Variants in PSD3 observed in about 807,000 individuals in gnomAD.
The protein encoded by PSD3 is pleckstrin and Sec7 domain containing 3.
A neutral mutation model predicts 105.5 loss-of-function variants in PSD3; 49 were observed. That is an observed-to-expected ratio of 0.46 (90% CI 0.37 to 0.59). The LOEUF is 0.59. PSD3 is among the 20% of genes least tolerant of loss of function. PSD3 has a pLI of 0.00. For synonymous variants in PSD3, 557 were observed against 457.8 expected, an observed-to-expected ratio of 1.22 and a Z score of -2.77; for missense variants, 1,561 against 1,263.8, an observed-to-expected ratio of 1.24 and a Z score of -3.57.
At chr8:18,686,472 C>G (rs187008016) in intron 9 of PSD3, among the ~76,000 whole-genome samples, 79 of 152,314 alleles carry the variant, frequency 5.2e-4, no homozygotes, top group African/African-American at 1.9e-3. Flanking sequence ...TTTTCTTCTG[C>G]TCCTGCCTTT....
At chr8:18,788,090 A>G (rs1472578875) in intron 8 of PSD3, among the ~76,000 whole-genome samples, 1 of 152,214 alleles carries the variant, frequency 6.6e-6, no homozygotes, top group South Asian at 2.1e-4. Context: ...GATTTTGCCT[A>G]TGAGTCATAA....
intron 15 of PSD3, among the ~76,000 whole-genome samples, chr8:18,541,254 C>T (rs979938273): frequency 5.3e-5 from 8 of 150,506 alleles, no homozygotes; most frequent in African/African-American, 2.0e-4. Context: ...ACTAATATAT[C>T]CCCAGGGCCA....
chr8:19,019,826 G>A (rs903515103), intron 1 of PSD3, among the ~76,000 whole-genome samples: 1 of 152,120 alleles, frequency 6.6e-6, no homozygotes, highest in Non-Finnish European at 1.5e-5. Flanking sequence ...CTGGGTGGGT[G>A]AGAGGGATGG....
In PSD3 at chr8:18,530,560, T is replaced by C. The variant is rs1799593526; in HGVS notation, c.*5183A>G. ...ATTCTTCCGAAAGCTATATTTTTTA[T>C]GGACTAATTACAACAACAATAAAGA... On this transcript the variant is annotated 3_prime_UTR_variant, in exon 16 of 16. Transcript: ENST00000327040. 1 of 152,658 alleles carries C rather than the reference T, an allele frequency of 6.6e-6. No individual in the cohort carries two copies. Among genetic ancestry groups the C allele is most frequent in the Non-Finnish European group, 1.5e-5 (1 of 68,048 alleles). The allele number at this position is 152,658 out of a possible 1,614,324, so 9.5% of individuals were successfully genotyped here.
At chr8:18,789,897 T>C (rs1442082408) in intron 8 of PSD3, among the ~76,000 whole-genome samples, 1 of 152,198 alleles carries the variant, frequency 6.6e-6, no homozygotes, top group East Asian at 1.9e-4. Flanking sequence ...ATAACAGAAC[T>C]GTGCCAATGT....
chr8:18,643,102 C>T (rs191727117), intron 10 of PSD3, among the ~76,000 whole-genome samples: 218 of 152,266 alleles, frequency 1.4e-3, no homozygotes, highest in African/African-American at 5.1e-3. Flanking sequence ...TTATTTCTTA[C>T]AGTTCTGGAG....
chr8:19,005,089 A>G (rs1405668043), intron 1 of PSD3, among the ~76,000 whole-genome samples: 6 of 152,080 alleles, frequency 3.9e-5, no homozygotes, highest in Admixed American at 3.9e-4. Context: ...TAGAGAAACG[A>G]AAAGCAAAAC....
chr8:18,929,393 G>A (rs1038995384), intron 2 of PSD3, among the ~76,000 whole-genome samples: 4 of 152,082 alleles, frequency 2.6e-5, no homozygotes, highest in African/African-American at 9.7e-5. Context: ...CTCCAGATCT[G>A]GAATGGGAAG....
chr8:18,639,744 A>G (rs930081504), intron 10 of PSD3, among the ~76,000 whole-genome samples: 2 of 152,210 alleles, frequency 1.3e-5, no homozygotes, highest in African/African-American at 4.8e-5. Flanking sequence ...CTGGGTTTTT[A>G]AAGCCCATTT....
At chr8:18,571,483 C>G (rs530952088) in intron 14 of PSD3, among the ~76,000 whole-genome samples, 1 of 152,226 alleles carries the variant, frequency 6.6e-6, no homozygotes, top group African/African-American at 2.4e-5. Flanking sequence ...AGATAATGTC[C>G]CTTCCTTGAA....
At chr8:18,715,875 G>A (rs866878525) in intron 9 of PSD3, among the ~76,000 whole-genome samples, 4 of 152,200 alleles carry the variant, frequency 2.6e-5, no homozygotes, top group South Asian at 4.1e-4. Context: ...GACAGGCATT[G>A]TTCTAGGTAG....
At chr8:18,901,740 T>C (rs1819515908) in intron 2 of PSD3, among the ~76,000 whole-genome samples, 1 of 152,180 alleles carries the variant, frequency 6.6e-6, no homozygotes, top group East Asian at 1.9e-4. Context: ...CTCTCAGTTT[T>C]TGTTTGTCTG....
intron 4 of PSD3, among the ~76,000 whole-genome samples, chr8:18,828,371 A>G (rs1813399868): frequency 6.6e-6 from 1 of 152,150 alleles, no homozygotes; most frequent in Non-Finnish European, 1.5e-5. Context: ...AATACCCACA[A>G]ACATTCAAGA....
At chr8:18,736,771 C>G (rs545962416) in intron 9 of PSD3, among the ~76,000 whole-genome samples, 1 of 152,306 alleles carries the variant, frequency 6.6e-6, no homozygotes, top group South Asian at 2.1e-4. Context: ...AAGTAATCTT[C>G]AAATATCAGA....
At chr8:19,055,241 G>A (rs1004935755) in intron 1 of PSD3, among the ~76,000 whole-genome samples, 14 of 152,064 alleles carry the variant, frequency 9.2e-5, no homozygotes, top group African/African-American at 2.9e-4. Context: ...ACATGTTTAC[G>A]TCCTAGATGA....
chr8:18,793,074 G>A (rs1222623243), intron 8 of PSD3, among the ~76,000 whole-genome samples: 3 of 152,086 alleles, frequency 2.0e-5, no homozygotes, highest in Non-Finnish European at 2.9e-5. Flanking sequence ...CTACCGCAAG[G>A]ACAGAAAACC....
At chr8:18,763,608 C>A in intron 9 of PSD3, among the ~76,000 whole-genome samples, 1 of 151,298 alleles carries the variant, frequency 6.6e-6, no homozygotes, top group African/African-American at 2.4e-5. Flanking sequence ...AAGTAAAAGA[C>A]AGAAATAAAA....
intron 1 of PSD3, among the ~76,000 whole-genome samples, chr8:18,952,855 G>C (rs1372634949): frequency 6.6e-6 from 1 of 152,156 alleles, no homozygotes; most frequent in South Asian, 2.1e-4. Flanking sequence ...TTATTGAGGA[G>C]ACGAGGTGAT....
In PSD3 at chr8:18,535,630, T is replaced by C; in HGVS notation, c.*113A>G. 2.4e-6 allele frequency: 2 copies of C among 830,816 alleles called. No homozygotes were observed. Among genetic ancestry groups the C allele is most frequent in the South Asian group, 1.7e-5 (1 of 58,788 alleles). The allele number at this position is 830,816 out of a possible 1,614,324, so 51.5% of individuals were successfully genotyped here. A position where few individuals can be genotyped will look rare whatever the true frequency, so the allele number is the denominator to read the frequency against. On this transcript the variant is annotated 3_prime_UTR_variant, in exon 16 of 16. Transcript: ENST00000327040. ...AATATACAATAGAAAAAATTACTAA[T>C]GCACCGTTTTGTCACAGACTTTTTT...
Sources: allele counts gnomAD v4.1 joint callset (sites outside exome capture counted in the v4.1 genomes callset), GRCh38; gene constraint gnomAD v4.1.1; transcripts MANE v1.5; gene names NCBI Gene and HGNC (gene_info 2026-07-23, HGNC 2026-07-21).